RYR1: variants seen among roughly 807,000 people sequenced by gnomAD.
RYR1 encodes the protein central core disease of muscle.
In RYR1, 342 loss-of-function variants were observed where a neutral mutation model predicts 583.5. The observed-to-expected ratio is 0.59, with a 90% confidence interval of 0.54 to 0.64. The LOEUF (loss-of-function observed/expected upper bound fraction) is 0.64, where lower values mean the gene tolerates loss of function less well. Ranked by LOEUF, RYR1 falls within the 30% of genes least tolerant of loss-of-function variation. RYR1 has a pLI of 0.00. For synonymous variants in RYR1, 2,791 were observed against 2,822.5 expected (o/e 0.99, Z 0.35); for missense variants, 6,032 against 6,917.2 (o/e 0.87, Z 4.54).
intron 12 of RYR1, among the ~76,000 whole-genome samples, chr19:38,452,126 CAAAAAAAAA>C (rs66571762): frequency 1.2e-4 from 8 of 68,868 alleles, no homozygotes; most frequent in South Asian, 5.3e-4. Flanking sequence ...CCGCCTCTAC[CAAAAAAAAA>C]AAAAAAAAAA....
At chr19:38,523,435 G>A in intron 69 of RYR1, 126 bp downstream of exon 69, 2 of 1,058,766 alleles carry the variant, frequency 1.9e-6, no homozygotes, top group South Asian at 1.3e-5. Flanking sequence ...CCTCAGAGCA[G>A]CCCCTCTTAC....
rs1970009725 is a variant in RYR1, at chr19:38,499,663, G to A, written c.7056G>A (p.Val2352=). The A allele has an allele frequency of 6.3e-7, 1 of 1,599,230 alleles. No homozygotes were observed. Among genetic ancestry groups the A allele is most frequent in the South Asian group, 1.1e-5 (1 of 90,998 alleles). ...NGESVEENAN[V]VVRLLIRKPE... Reference sequence around the variant, plus strand: ...AGAGCGTGGAGGAGAACGCCAATGTGGTGGTGCGGCTGCTCATCCGGAAGC... The same window carrying A: ...AGAGCGTGGAGGAGAACGCCAATGTAGTGGTGCGGCTGCTCATCCGGAAGC... Residue 2352 remains valine (V), a synonymous_variant, in exon 44 of 106, where the codon GTG becomes GTA. Coordinates refer to ENST00000359596, the MANE Select transcript of RYR1 (RefSeq NM_000540.3). The surrounding 1 kb of genome is among the most constrained non-coding windows in gnomAD (Gnocchi z 7.3).
intron 58 of RYR1, 116 bp from the exon 59 acceptor site, chr19:38,510,382 T>A: frequency 1.0e-6 from 1 of 996,560 alleles, no homozygotes; most frequent in Middle Eastern, 2.9e-4. Flanking sequence ...AATGACTTCA[T>A]ACCAATACTT....
At position 38,460,595 on chromosome 19, in the gene RYR1, C is replaced by T. The variant is rs749515044; in HGVS notation, c.2577+4C>T. On this transcript the variant is annotated splice_donor_region_variant and intron_variant, in intron 20 of 105. Transcript: ENST00000359596. Reference sequence around the variant, plus strand: ...CTGCCCTGTGGACACTGTCCAGGTACTGCCTGCCCTGCAAAGGTTTTCTGG... The same window carrying T: ...CTGCCCTGTGGACACTGTCCAGGTATTGCCTGCCCTGCAAAGGTTTTCTGG... 5.0e-6 allele frequency: 8 copies of T among 1,608,772 alleles called. No individual in the cohort carries two copies. In the East Asian group the frequency reaches 1.8e-4, roughly 36 times the overall value.
intron 1 of RYR1, among the ~76,000 whole-genome samples, chr19:38,436,671 A>G (rs755726407): frequency 1.3e-5 from 2 of 152,104 alleles, no homozygotes; most frequent in Non-Finnish European, 2.9e-5. Context: ...AATTTTTACT[A>G]TTATAGACAA....
intron 58 of RYR1, 29 bp downstream of exon 58, chr19:38,507,856 C>G (rs532358009): frequency 7.1e-7 from 1 of 1,398,706 alleles, no homozygotes; most frequent in East Asian, 2.3e-5. Context: ...CGCTTATGCC[C>G]GCCCCACCTG....
At chr19:38,579,636 G>T (rs529804351) in intron 99 of RYR1, among the ~76,000 whole-genome samples, 22 of 149,526 alleles carry the variant, frequency 1.5e-4, no homozygotes, top group Admixed American at 2.7e-4. Context: ...ATGGAGTCTC[G>T]CTATGTTGCC....
rs745511934 is a variant in RYR1, at chr19:38,457,506, G to A, written c.1801G>A (p.Val601Met). 2.5e-6 allele frequency: 4 copies of A among 1,613,902 alleles called. No homozygotes were observed. Among genetic ancestry groups the A allele is most frequent in the Non-Finnish European group, 2.5e-6 (3 of 1,180,002 alleles). Residue 601 changes from valine to methionine, a missense_variant, in exon 17 of 106, where the codon GTG becomes ATG. By Grantham distance (21) the Val-to-Met change is conservative. Coordinates refer to ENST00000359596, the MANE Select transcript of RYR1 (RefSeq NM_000540.3). The part of the protein sequence containing the change: ...KHGRNHKVLD[V>M]LCSLCVCNGV... The stretch of plus-strand genomic sequence containing the variant: ...TGACCTTGACCTCTAGGTCCTGGAC[G>A]TGCTATGCTCCCTGTGTGTGTGTAA...
At chr19:38,480,109 GTCACCCACTC>G (rs1968935802) in intron 31 of RYR1, among the ~76,000 whole-genome samples, 6 of 152,116 alleles carry the variant, frequency 3.9e-5, no homozygotes, top group African/African-American at 1.4e-4. Context: ...AGCTTCAACT[GTCACCCACTC>G]ACAGCCAATC....
chr19:38,488,356 C>T (rs977769385), intron 34 of RYR1, among the ~76,000 whole-genome samples: 1 of 152,024 alleles, frequency 6.6e-6, no homozygotes, highest in Non-Finnish European at 1.5e-5. Flanking sequence ...TTCATCTTTC[C>T]TTCAAACCTC....
chr19:38,555,178 C>T (rs191445963), intron 89 of RYR1, among the ~76,000 whole-genome samples: 7 of 152,038 alleles, frequency 4.6e-5, no homozygotes, highest in East Asian at 3.9e-4. Flanking sequence ...TGGCCAGACA[C>T]GGTGGGTCAC....
At chr19:38,521,790 T>G (rs761350362) in intron 67 of RYR1, among the ~76,000 whole-genome samples, 6 of 139,330 alleles carry the variant, frequency 4.3e-5, no homozygotes, top group Non-Finnish European at 7.7e-5. Context: ...CACTGCAAGC[T>G]CCACCTCCCG....
chr19:38,536,440 G>A (rs540148993), intron 82 of RYR1, among the ~76,000 whole-genome samples: 2 of 151,462 alleles, frequency 1.3e-5, no homozygotes, highest in Admixed American at 6.6e-5. Context: ...GTGTTGTGAC[G>A]TGTCTAACCT....
chr19:38,561,591 C>A lies in RYR1; in HGVS notation c.12624+137C>A. 2.4e-6 allele frequency: 2 copies of A among 843,268 alleles called. No individual in the cohort carries two copies. Among genetic ancestry groups the A allele is most frequent in the Non-Finnish European group, 3.6e-6 (2 of 548,924 alleles). The allele number at this position is 843,268 out of a possible 1,614,324, so 52.2% of individuals were successfully genotyped here. On this transcript the variant is annotated intron_variant, in intron 90 of 105. Transcript: ENST00000359596. This position sits in a 1 kb window ranked among gnomAD's most constrained non-coding sequence, Gnocchi z 4.8. ...CCTGCTCCGGCAAGCCCACGCCCAC[C>A]CTTTTGTACACATTTCGTCCAGCTG...
chr19:38,439,126 C>T (rs1288119874), intron 1 of RYR1, among the ~76,000 whole-genome samples: 1 of 152,080 alleles, frequency 6.6e-6, no homozygotes, highest in Admixed American at 6.6e-5. Context: ...AGTGTAAGGC[C>T]CAGAGCATAA....
Position 38,438,475 on chromosome 19 carries a change from G to A in RYR1, c.46-2270G>A, listed in dbSNP as rs1296235051. ...CTTGATTATGACTCACTGCAGCCTC[G>A]ATTTCCCAGGCTTGGCAGTCCTCCC... On this transcript the variant is annotated intron_variant, in intron 1 of 105. Coordinates refer to ENST00000359596, the MANE Select transcript of RYR1 (RefSeq NM_000540.3). Among the ~76,000 whole-genome samples the A allele has an allele frequency of 4.0e-5, 6 of 150,998 alleles. No homozygotes were observed. In the South Asian group the frequency reaches 1.3e-3, roughly 32 times the overall value.
At chr19:38,453,130 T>G (rs1600668939) in intron 13 of RYR1, 116 bp downstream of exon 13, 1 of 1,048,110 alleles carries the variant, frequency 9.5e-7, no homozygotes, top group Non-Finnish European at 1.4e-6. Context: ...AAGTAGGGTC[T>G]GAGAAGGGGG....
chr19:38,538,747 TAAGC>T (rs1972081160), intron 84 of RYR1: 1 of 152,252 alleles, frequency 6.6e-6, no homozygotes, highest in African/African-American at 2.4e-5. Context: ...TTTCCTATCT[TAAGC>T]AAGAGTTTTG....
At chr19:38,570,109 C>T (rs971859063) in intron 93 of RYR1, among the ~76,000 whole-genome samples, 4 of 152,068 alleles carry the variant, frequency 2.6e-5, no homozygotes, top group African/African-American at 7.2e-5. Context: ...TGCAGTGAGC[C>T]GAGATGGCGC....
Sources: allele counts gnomAD v4.1 joint callset (sites outside exome capture counted in the v4.1 genomes callset), GRCh38; gene constraint gnomAD v4.1.1; non-coding constraint Gnocchi (gnomAD v3.1); transcripts MANE v1.5; gene names NCBI Gene and HGNC (gene_info 2026-07-23, HGNC 2026-07-21).